The following SDCCAG8 variants were observed in gnomAD, a reference collection of about 807,000 sequenced individuals.
SDCCAG8 encodes serologically defined colon cancer antigen 8.
SDCCAG8 carries 74 observed loss-of-function variants against 101.8 expected under a neutral mutation model. That is an observed-to-expected ratio of 0.73 (90% confidence interval 0.60 to 0.88). SDCCAG8 has a LOEUF of 0.88. Ranked by LOEUF, SDCCAG8 falls within the 40% of genes least tolerant of loss-of-function variation. The pLI, the probability that SDCCAG8 is intolerant of heterozygous loss-of-function variation, is 0.00. For missense variants in SDCCAG8, 787 were observed against 822.6 expected (o/e 0.96, Z 0.53); for synonymous variants, 281 against 292.9 (o/e 0.96, Z 0.41).
chr1:243,316,763 ATGACTTGATGTC>A lies in SDCCAG8; in HGVS notation c.941_952del (p.Asp314_Ser317del). ...TCTTTTTGTGCTGACAGAGAAAGAGATGACTTGATGTCTGCACTAGTTTCCGTAAGGAGCAGC... is the reference window on the plus strand; with the variant it reads ...TCTTTTTGTGCTGACAGAGAAAGAGATGCACTAGTTTCCGTAAGGAGCAGC... On this transcript the variant is annotated inframe_deletion, in exon 9 of 18. Transcript: ENST00000366541. 6.2e-7 allele frequency: 1 copy of A among 1,614,176 alleles called. No individual in the cohort carries two copies. Among genetic ancestry groups the A allele is most frequent in the Non-Finnish European group, 8.5e-7 (1 of 1,180,024 alleles).
At chr1:243,369,084 C>G (rs1035188365) in intron 12 of SDCCAG8, among the ~76,000 whole-genome samples, 1 of 152,024 alleles carries the variant, frequency 6.6e-6, no homozygotes, top group South Asian at 2.1e-4. Context: ...ATTTAATGGT[C>G]TACATGGATT....
chr1:243,484,795 C>T (rs574058764), intron 16 of SDCCAG8, among the ~76,000 whole-genome samples: 3 of 152,298 alleles, frequency 2.0e-5, no homozygotes, highest in East Asian at 1.9e-4. Context: ...CCTGTAATCC[C>T]AGCACTTTGG....
At chr1:243,388,849 G>T (rs532511260) in intron 13 of SDCCAG8, among the ~76,000 whole-genome samples, 1 of 150,642 alleles carries the variant, frequency 6.6e-6, no homozygotes, top group African/African-American at 2.5e-5. Flanking sequence ...CTGGCTATTT[G>T]GGAGGCTACA....
At chr1:243,451,983 T>C (rs566431672) in intron 16 of SDCCAG8, among the ~76,000 whole-genome samples, 1 of 152,172 alleles carries the variant, frequency 6.6e-6, no homozygotes, top group Non-Finnish European at 1.5e-5. Flanking sequence ...TGTGACCCAC[T>C]AAAGGGTCAT....
intron 13 of SDCCAG8, among the ~76,000 whole-genome samples, chr1:243,404,659 G>A (rs970858690): frequency 6.6e-6 from 1 of 152,090 alleles, no homozygotes; most frequent in African/African-American, 2.4e-5. Context: ...AGACGGAGAG[G>A]TTACAGAGTT....
chr1:243,268,708 T>C (rs1420791410), intron 1 of SDCCAG8, among the ~76,000 whole-genome samples: 2 of 152,220 alleles, frequency 1.3e-5, no homozygotes, highest in African/African-American at 4.8e-5. Flanking sequence ...AGTACTAACA[T>C]TGCTTTTGTT....
At chr1:243,478,730 G>T (rs1157962350) in intron 16 of SDCCAG8, among the ~76,000 whole-genome samples, 1 of 152,118 alleles carries the variant, frequency 6.6e-6, no homozygotes, top group Non-Finnish European at 1.5e-5. Context: ...AAGCTGAGGT[G>T]GGCGGATCAT....
At chr1:243,436,232 C>T (rs1483258219) in intron 16 of SDCCAG8, among the ~76,000 whole-genome samples, 2 of 150,362 alleles carry the variant, frequency 1.3e-5, no homozygotes, top group African/African-American at 4.9e-5. Context: ...AAAGCTTCCA[C>T]AGCATGGAAG....
chr1:243,361,674 A>G (rs941441993), intron 12 of SDCCAG8, among the ~76,000 whole-genome samples: 1 of 152,146 alleles, frequency 6.6e-6, no homozygotes, highest in East Asian at 1.9e-4. Flanking sequence ...TTGGACAAAC[A>G]TCTTCCACAT....
At chr1:243,387,156 C>T (rs1035067800) in intron 13 of SDCCAG8, among the ~76,000 whole-genome samples, 4 of 152,192 alleles carry the variant, frequency 2.6e-5, no homozygotes, top group African/African-American at 9.6e-5. Flanking sequence ...GGTTAATTTA[C>T]GATATGGCTG....
chr1:243,404,118 G>A (rs886485757), intron 13 of SDCCAG8, among the ~76,000 whole-genome samples: 1 of 152,220 alleles, frequency 6.6e-6, no homozygotes, highest in African/African-American at 2.4e-5. Context: ...GCTTACATGC[G>A]AAGGGATAAA....
At chr1:243,335,130 T>C (rs2074908584) in intron 10 of SDCCAG8, among the ~76,000 whole-genome samples, 2 of 152,206 alleles carry the variant, frequency 1.3e-5, no homozygotes, top group Non-Finnish European at 2.9e-5. Flanking sequence ...AAAGTCCCTA[T>C]GCCATTGGGA....
At chr1:243,498,178 G>A (rs1478727980) in intron 17 of SDCCAG8, among the ~76,000 whole-genome samples, 3 of 152,200 alleles carry the variant, frequency 2.0e-5, no homozygotes, top group Non-Finnish European at 2.9e-5. Context: ...GGGTCAGTTC[G>A]ATCACCTGGC....
At chr1:243,401,186 GC>G (rs2079375338) in intron 13 of SDCCAG8, among the ~76,000 whole-genome samples, 1 of 152,150 alleles carries the variant, frequency 6.6e-6, no homozygotes, top group Non-Finnish European at 1.5e-5. Context: ...TTTCCCACCT[GC>G]CCTGCTTTCT....
intron 4 of SDCCAG8, among the ~76,000 whole-genome samples, chr1:243,284,639 T>A (rs2069413599): frequency 6.6e-6 from 1 of 152,162 alleles, no homozygotes; most frequent in African/African-American, 2.4e-5. Flanking sequence ...GCTGGATTTC[T>A]CTTTTTTTAG....
intron 12 of SDCCAG8, among the ~76,000 whole-genome samples, chr1:243,350,616 A>G (rs1421921181): frequency 6.6e-6 from 1 of 152,224 alleles, no homozygotes; most frequent in South Asian, 2.1e-4. Context: ...ATTGCTTCAC[A>G]TCTTCAAGGA....
chr1:243,423,945 T>C (rs1001573895), intron 15 of SDCCAG8, among the ~76,000 whole-genome samples: 2 of 152,104 alleles, frequency 1.3e-5, no homozygotes, highest in African/African-American at 4.8e-5. Flanking sequence ...AAGGATGGAT[T>C]TCACTGTTTG....
intron 13 of SDCCAG8, among the ~76,000 whole-genome samples, chr1:243,393,778 T>A (rs1181656725): frequency 6.6e-6 from 1 of 152,232 alleles, no homozygotes; most frequent in Non-Finnish European, 1.5e-5. Flanking sequence ...TTTTATATGC[T>A]TTCTACCACA....
At chr1:243,271,180 T>A in intron 3 of SDCCAG8, 117 bp downstream of exon 3, 1 of 721,688 alleles carries the variant, frequency 1.4e-6, no homozygotes, top group Non-Finnish European at 2.5e-6. Flanking sequence ...TGAAAAACAT[T>A]AAAAGTAATT....
Sources: allele counts gnomAD v4.1 joint callset (sites outside exome capture counted in the v4.1 genomes callset), GRCh38; gene constraint gnomAD v4.1.1; transcripts MANE v1.5; gene names NCBI Gene and HGNC (gene_info 2026-07-23, HGNC 2026-07-21).